Variants in POU3F3 observed in about 807,000 individuals in gnomAD.
POU3F3 encodes POU class 3 homeobox 3.
POU3F3 carries 1 observed loss-of-function variant against 8.6 expected under a neutral mutation model. That is an observed-to-expected ratio of 0.12 (90% CI 0.04 to 0.55). The LOEUF is 0.55. POU3F3 is among the 20% of genes least tolerant of loss of function. POU3F3 has a pLI of 0.91. For missense variants in POU3F3, 577 were observed against 690.7 expected, an observed-to-expected ratio of 0.84 and a Z score of 1.84; for synonymous variants, 418 against 327.4, an observed-to-expected ratio of 1.28 and a Z score of -2.99.
the POU3F3 span, chr2:104,866,579 G>A: frequency 6.6e-6 from 1 of 152,210 alleles, no homozygotes; most frequent in Non-Finnish European, 1.5e-5. Flanking sequence ...GGTAACTTGA[G>A]GAATCCCAGT....
In POU3F3 at chr2:104,855,204, G is replaced by A. The variant is rs1174596016; in HGVS notation, c.-307G>A. Among the ~76,000 whole-genome samples, 2 of 151,546 alleles carry A rather than the reference G, an allele frequency of 1.3e-5. No homozygotes were observed. The highest frequency in any genetic ancestry group is 2.9e-5 in the Non-Finnish European group (2 of 67,880). On this transcript the variant is annotated 5_prime_UTR_variant, in exon 1 of 1. Transcript: ENST00000361360. ...AGCGAGCCCCCCTCCCCAGAGCGCT[G>A]CTCCTGCGGCTGCTGCTGCTGCTGG...
downstream of POU3F3, among the ~76,000 whole-genome samples, chr2:104,862,845 T>G (rs1217294859): frequency 6.6e-6 from 1 of 152,166 alleles, no homozygotes; most frequent in Admixed American, 6.5e-5. Context: ...AACCCGACTT[T>G]GGATCACTGC....
At chr2:104,887,913 G>A in the POU3F3 span, among the ~76,000 whole-genome samples, 2 of 152,212 alleles carry the variant, frequency 1.3e-5, no homozygotes, top group African/African-American at 2.4e-5. Flanking sequence ...CTTAAGAAGT[G>A]CAACCTTTTA....
the POU3F3 span, among the ~76,000 whole-genome samples, chr2:104,895,807 G>C: frequency 6.6e-6 from 1 of 152,184 alleles, no homozygotes; most frequent in Non-Finnish European, 1.5e-5. Context: ...GAGCATTTCT[G>C]TAACTACTTA....
rs1326967474 is a variant in POU3F3 at position 104,854,840 on chromosome 2, TGAG to T, written c.-664_-662del. Reference sequence around the variant, plus strand: ...AGGGAAAACGAGTGAAATGTGTTCCTGAGGAGGAGAGGAGAGGAGAGGAGAGAG... The same window carrying T: ...AGGGAAAACGAGTGAAATGTGTTCCTGAGGAGAGGAGAGGAGAGGAGAGAG... On this transcript the variant is annotated 5_prime_UTR_variant, in exon 1 of 1. Transcript: ENST00000361360. This position sits in a 1 kb window ranked among gnomAD's most constrained non-coding sequence, Gnocchi z 4.5. Among the ~76,000 whole-genome samples the T allele has an allele frequency of 1.3e-5, 2 of 151,996 alleles. No individual in the cohort carries two copies. Among genetic ancestry groups the T allele is most frequent in the East Asian group, 3.9e-4 (2 of 5,178 alleles).
chr2:104,897,788 G>T, the POU3F3 span, among the ~76,000 whole-genome samples: 1 of 152,166 alleles, frequency 6.6e-6, no homozygotes, highest in Non-Finnish European at 1.5e-5. Flanking sequence ...TTTCAACCAA[G>T]GTTTAGATAT....
the POU3F3 span, among the ~76,000 whole-genome samples, chr2:104,877,744 C>T: frequency 2.0e-5 from 3 of 151,594 alleles, 1 homozygote; most frequent in East Asian, 3.9e-4. Flanking sequence ...CTGCAACCTC[C>T]GACTCCCGAT....
the POU3F3 span, among the ~76,000 whole-genome samples, chr2:104,876,201 C>A: frequency 6.6e-6 from 1 of 152,108 alleles, no homozygotes; most frequent in Non-Finnish European, 1.5e-5. Context: ...AGAAAGTAAC[C>A]AGAGAGTCAC....
the POU3F3 span, among the ~76,000 whole-genome samples, chr2:104,901,433 G>A: frequency 2.6e-5 from 4 of 152,250 alleles, no homozygotes; most frequent in Non-Finnish European, 4.4e-5. Flanking sequence ...CCCATGACAC[G>A]GCAGCCGGGT....
the POU3F3 span, among the ~76,000 whole-genome samples, chr2:104,901,762 T>C: frequency 6.6e-6 from 1 of 152,228 alleles, no homozygotes; most frequent in Non-Finnish European, 1.5e-5. Context: ...GCAGTGGAGC[T>C]GACTGCATTG....
chr2:104,856,640 A>G lies in POU3F3; in HGVS notation c.1130A>G (p.Lys377Arg), dbSNP rs1676572584. ...AGCTTCAAGAACATGTGCAAGCTCA[A>G]GCCGCTGCTGAACAAGTGGCTGGAG... ...QLSFKNMCKL[K>R]PLLNKWLEEA... Residue 377 changes from lysine (K) to arginine (R), a missense_variant, in exon 1 of 1, where the codon AAG (lysine) becomes AGG (arginine). By Grantham distance (26) the Lys-to-Arg change is conservative (BLOSUM62 2). This residue lies in a region of POU3F3 where 20 missense variants were observed against 107.7 expected (regional missense o/e 0.19). Coordinates refer to ENST00000361360, the MANE Select transcript of POU3F3 (RefSeq NM_006236.3). The G allele has an allele frequency of 6.2e-7, 1 of 1,614,178 alleles. No individual in the cohort carries two copies. The highest frequency in any genetic ancestry group is 8.5e-7 in the Non-Finnish European group (1 of 1,180,022).
chr2:104,880,312 G>A, the POU3F3 span, among the ~76,000 whole-genome samples: 2 of 152,130 alleles, frequency 1.3e-5, no homozygotes, highest in African/African-American at 2.4e-5. Context: ...CCTCTCCAAC[G>A]TTAGAGGAGG....
At position 104,857,117 on chromosome 2, in the gene POU3F3, T is replaced by TGCCGCC. The variant is rs1042152072; in HGVS notation, c.*110_*115dup. Reference sequence around the variant, plus strand: ...CCGCCGCCGCCGCCGCCGCCGCCGCTGCCGCCGCCGCGCCGACCCTGCACC... The same window carrying TGCCGCC: ...CCGCCGCCGCCGCCGCCGCCGCCGCTGCCGCCGCCGCCGCCGCGCCGACCCTGCACC... On this transcript the variant is annotated 3_prime_UTR_variant, in exon 1 of 1. Coordinates refer to ENST00000361360, the MANE Select transcript of POU3F3 (RefSeq NM_006236.3). The TGCCGCC allele has an allele frequency of 3.2e-6, 3 of 952,270 alleles. No homozygotes were observed. The highest frequency in any genetic ancestry group is 1.2e-4 in the East Asian group (1 of 8,672). 59.0% of individuals were successfully genotyped at this position (952,270 alleles called of 1,614,324 possible).
downstream of POU3F3, among the ~76,000 whole-genome samples, chr2:104,859,681 C>T (rs1198527001): frequency 6.6e-6 from 1 of 152,150 alleles, no homozygotes; most frequent in East Asian, 1.9e-4. Flanking sequence ...GCCAGATGGC[C>T]ATGTATTGGG....
the POU3F3 span, among the ~76,000 whole-genome samples, chr2:104,918,408 C>T: frequency 0.08 from 12,252 of 152,250 alleles, 654 homozygotes; most frequent in Non-Finnish European, 0.11. Context: ...CCTTCAGTCA[C>T]TCAGAACGTG....
At chr2:104,868,490 A>G in the POU3F3 span, 40 of 395,448 alleles carry the variant, frequency 1.0e-4, no homozygotes, top group Middle Eastern at 5.4e-4. Flanking sequence ...AGAAGCTCAG[A>G]AGCATCGCTG....
the POU3F3 span, among the ~76,000 whole-genome samples, chr2:104,907,837 G>A: frequency 6.6e-6 from 1 of 152,078 alleles, no homozygotes; most frequent in East Asian, 1.9e-4. Context: ...GGGGCCCCTT[G>A]ACTTGCTATT....
chr2:104,869,524 C>A, the POU3F3 span, among the ~76,000 whole-genome samples: 1 of 152,204 alleles, frequency 6.6e-6, no homozygotes, highest in Non-Finnish European at 1.5e-5. Context: ...TTCTAGGAGA[C>A]AAATAGCTTC....
chr2:104,919,122 C>T, the POU3F3 span, among the ~76,000 whole-genome samples: 1 of 152,138 alleles, frequency 6.6e-6, no homozygotes, highest in African/African-American at 2.4e-5. Flanking sequence ...CCGCCCACCT[C>T]GGCCTCCCAA....
Sources: allele counts gnomAD v4.1 joint callset (sites outside exome capture counted in the v4.1 genomes callset), GRCh38; gene constraint gnomAD v4.1.1; regional missense constraint gnomAD v4.1.1; non-coding constraint Gnocchi (gnomAD v3.1); transcripts MANE v1.5; gene names NCBI Gene and HGNC (gene_info 2026-07-23, HGNC 2026-07-21).